Variants in CCSER1 observed in about 807,000 individuals in gnomAD.
The protein encoded by CCSER1 is coiled-coil serine rich protein 1, also known as serine-rich coiled-coil domain-containing protein 1.
CCSER1 carries 41 observed loss-of-function variants against 82.0 expected under a neutral mutation model. The observed-to-expected ratio is 0.50, with a 90% CI of 0.39 to 0.65. The LOEUF (loss-of-function observed/expected upper bound fraction) is 0.65, where lower values mean the gene tolerates loss of function less well. Ranked by LOEUF, CCSER1 falls within the 30% of genes least tolerant of loss-of-function variation. The pLI is 0.00. For synonymous variants in CCSER1, 414 were observed against 383.9 expected (o/e 1.08, Z -0.92); for missense variants, 1,119 against 1,064.2 (o/e 1.05, Z -0.72).
chr4:90,521,571 AAAAG>A (rs1773139458), intron 5 of CCSER1, among the ~76,000 whole-genome samples: 1 of 152,196 alleles, frequency 6.6e-6, no homozygotes, highest in Non-Finnish European at 1.5e-5. Flanking sequence ...CATAGCAAGA[AAAAG>A]AAAATGGTAA....
rs180970509 is a variant in CCSER1, at chr4:91,381,743, C to T, written c.2218-216829C>T. Among the ~76,000 whole-genome samples, 133 of 152,300 alleles carry T rather than the reference C, an allele frequency of 8.7e-4. 1 individual carries two copies. The highest frequency in any genetic ancestry group is 3.0e-3 in the African/African-American group (123 of 41,574). On this transcript the variant is annotated intron_variant, in intron 10 of 10. Coordinates refer to ENST00000509176, the MANE Select transcript of CCSER1 (RefSeq NM_001145065.2). Reference sequence around the variant, plus strand: ...TGTCTGAAGCCTTCTTCTCTCAACTCGTCAAAGTCATTCTCTGTCCAGCTT... The same window carrying T: ...TGTCTGAAGCCTTCTTCTCTCAACTTGTCAAAGTCATTCTCTGTCCAGCTT...
At chr4:91,306,121 A>T (rs1745058854) in intron 10 of CCSER1, among the ~76,000 whole-genome samples, 1 of 151,114 alleles carries the variant, frequency 6.6e-6, no homozygotes, top group East Asian at 2.0e-4. Flanking sequence ...CATAACAGAA[A>T]TTTTTTTCAT....
chr4:90,367,200 T>C (rs1354166441), intron 3 of CCSER1, among the ~76,000 whole-genome samples: 1 of 150,644 alleles, frequency 6.6e-6, no homozygotes, highest in Non-Finnish European at 1.5e-5. Context: ...AAATGCATTC[T>C]GGAAGCAATG....
At chr4:90,398,481 G>C (rs909824645) in intron 3 of CCSER1, among the ~76,000 whole-genome samples, 2 of 152,116 alleles carry the variant, frequency 1.3e-5, no homozygotes, top group Non-Finnish European at 2.9e-5. Flanking sequence ...CATTTGGATA[G>C]TGTGTTTGAT....
intron 6 of CCSER1, among the ~76,000 whole-genome samples, chr4:90,644,578 A>T (rs1258995323): frequency 6.6e-6 from 1 of 152,040 alleles, no homozygotes; most frequent in South Asian, 2.1e-4. Flanking sequence ...TCACCTAGGT[A>T]TTAAGCTCCA....
At chr4:91,179,001 G>T (rs1233191661) in intron 10 of CCSER1, among the ~76,000 whole-genome samples, 1 of 152,124 alleles carries the variant, frequency 6.6e-6, no homozygotes, top group Non-Finnish European at 1.5e-5. Flanking sequence ...GCCTGGTGGT[G>T]ACAAAATCTC....
At chr4:90,446,642 A>G (rs940664217) in intron 4 of CCSER1, among the ~76,000 whole-genome samples, 1 of 152,188 alleles carries the variant, frequency 6.6e-6, no homozygotes, top group African/African-American at 2.4e-5. Context: ...GTAAAAGGAA[A>G]TCTCTTAAGG....
In CCSER1 at chr4:91,013,261, G is replaced by A. The variant is rs1013255773; in HGVS notation, c.2173-72689G>A. 4.5e-5 allele frequency among the ~76,000 whole-genome samples: 6 copies of A among 132,486 alleles called. 1 individual carries two copies. The highest frequency in any genetic ancestry group is 7.5e-5 in the Admixed American group (1 of 13,338). The allele number at this position is 132,486 out of a possible 152,430, so 86.9% of individuals were successfully genotyped here. ...TTTTTATGTATCGTGTTAAGATAAG[G>A]GTCCAATTTTTTCTTTTGTATGTAA... On this transcript the variant is annotated intron_variant, in intron 9 of 10. Coordinates refer to ENST00000509176, the MANE Select transcript of CCSER1 (RefSeq NM_001145065.2).
At chr4:90,261,139 T>C (rs970110646) in intron 1 of CCSER1, among the ~76,000 whole-genome samples, 1 of 151,996 alleles carries the variant, frequency 6.6e-6, no homozygotes, top group Non-Finnish European at 1.5e-5. Flanking sequence ...ATTCATCATA[T>C]TAGTTGTTAC....
chr4:90,918,148 A>G, intron 8 of CCSER1: 1 of 377,662 alleles, frequency 2.6e-6, no homozygotes, highest in Non-Finnish European at 5.3e-6. Flanking sequence ...ATTATATACT[A>G]GTGTCTGTTA....
chr4:91,381,304 A>G (rs187184122), intron 10 of CCSER1, among the ~76,000 whole-genome samples: 11 of 152,160 alleles, frequency 7.2e-5, no homozygotes, highest in Middle Eastern at 3.4e-3. Context: ...GCCTTGCTAG[A>G]TTGGGGAAGT....
intron 7 of CCSER1, among the ~76,000 whole-genome samples, chr4:90,785,324 C>A (rs11722954): frequency 6.6e-6 from 1 of 152,062 alleles, no homozygotes; most frequent in Admixed American, 6.5e-5. Context: ...CCACCACGCC[C>A]AGCCCAAACC....
At chr4:90,228,680 A>G (rs1264062026) in intron 1 of CCSER1, among the ~76,000 whole-genome samples, 3 of 152,224 alleles carry the variant, frequency 2.0e-5, no homozygotes, top group Non-Finnish European at 4.4e-5. Flanking sequence ...TCCGAGCTAC[A>G]GGAGGAAATT....
At chr4:91,420,834 T>C (rs1753645551) in intron 10 of CCSER1, among the ~76,000 whole-genome samples, 1 of 152,090 alleles carries the variant, frequency 6.6e-6, no homozygotes, top group Non-Finnish European at 1.5e-5. Context: ...TAGAGATAGA[T>C]AGATAGAGAT....
chr4:90,468,399 G>C, intron 5 of CCSER1, 45 bp downstream of exon 5: 2 of 1,523,406 alleles, frequency 1.3e-6, no homozygotes, highest in Non-Finnish European at 1.8e-6. Flanking sequence ...AAATCAATTA[G>C]ATAACTGATA....
chr4:90,914,325 T>A (rs961009007), intron 8 of CCSER1, among the ~76,000 whole-genome samples: 2 of 152,084 alleles, frequency 1.3e-5, no homozygotes, highest in African/African-American at 4.8e-5. Context: ...AAACTAGAAC[T>A]CAGGATTAAG....
At position 90,248,812 on chromosome 4, in the gene CCSER1, T is replaced by C. The variant is rs573749238; in HGVS notation, c.-41-59432T>C. Among the ~76,000 whole-genome samples, 48 of 151,778 alleles carry C rather than the reference T, an allele frequency of 3.2e-4. No individual in the cohort carries two copies. In the East Asian group the frequency reaches 9.1e-3, roughly 29 times the overall value. ...TTCTAGGCTTAAGCGATCCTCCCAC[T>C]TCACCCTTTCAAGTAGCTGGGACCA... is the stretch of plus-strand genomic sequence containing the variant. On this transcript the variant is annotated intron_variant, in intron 1 of 10. Coordinates refer to ENST00000509176, the MANE Select transcript of CCSER1 (RefSeq NM_001145065.2).
At chr4:90,356,214 G>A (rs1183909332) in intron 3 of CCSER1, among the ~76,000 whole-genome samples, 3 of 151,734 alleles carry the variant, frequency 2.0e-5, no homozygotes, top group African/African-American at 7.2e-5. Context: ...TAATGTCTGT[G>A]TAGCTATACT....
chr4:91,021,820 CT>C (rs200220280), intron 9 of CCSER1, among the ~76,000 whole-genome samples: 5 of 151,950 alleles, frequency 3.3e-5, no homozygotes, highest in African/African-American at 1.2e-4. Context: ...GCAAAGCACA[CT>C]TTTTTTAAAA....
Sources: gnomAD v4.1 joint callset for allele counts (sites outside exome capture counted in the v4.1 genomes callset) on GRCh38, gnomAD v4.1.1 for gene constraint, MANE v1.5 for transcripts, NCBI Gene and HGNC (gene_info 2026-07-23, HGNC 2026-07-21) for gene names.